SLC13A4: variants seen among roughly 807,000 people sequenced by gnomAD.
The protein encoded by SLC13A4 is solute carrier family 13 member 4.
A neutral mutation model predicts 72.7 loss-of-function variants in SLC13A4; 28 were observed. The observed-to-expected ratio is 0.39, with a 90% CI of 0.29 to 0.53. The LOEUF (loss-of-function observed/expected upper bound fraction) is 0.53, where lower values mean the gene tolerates loss of function less well. Among genes scored for constraint, SLC13A4 ranks in the 20% least tolerant of loss-of-function variants. SLC13A4 has a pLI of 0.78. For missense variants in SLC13A4, 653 were observed against 788.0 expected, an observed-to-expected ratio of 0.83 and a Z score of 2.05; for synonymous variants, 312 against 325.5, an observed-to-expected ratio of 0.96 and a Z score of 0.45.
At chr7:135,711,963 A>ATTTTT (rs529940903) in intron 2 of SLC13A4, among the ~76,000 whole-genome samples, 11 of 46,900 alleles carry the variant, frequency 2.3e-4, no homozygotes, top group East Asian at 1.8e-3. Flanking sequence ...ATGTTTTTGG[A>ATTTTT]TTTTTTTTTT....
chr7:135,719,781 A>ATGTGTGTGTGTGTGTGTGTGTG (rs968225969), intron 2 of SLC13A4, among the ~76,000 whole-genome samples: 84 of 146,106 alleles, frequency 5.7e-4, no homozygotes, highest in African/African-American at 2.1e-3. Flanking sequence ...TCAATGCCAC[A>ATGTGTGTGTGTGTGTGTGTGTG]TGTGTGTGTG....
At chr7:135,694,011 C>T in intron 10 of SLC13A4, 126 bp downstream of exon 10, 1 of 668,150 alleles carries the variant, frequency 1.5e-6, no homozygotes, top group Non-Finnish European at 2.7e-6. Flanking sequence ...CTTCTAAAGG[C>T]CTGATTCAGA....
At chr7:135,701,812 G>A (rs765538088) in intron 6 of SLC13A4, 52 bp from the exon 7 acceptor site, 211 of 1,581,178 alleles carry the variant, frequency 1.3e-4, no homozygotes, top group South Asian at 1.7e-4. Flanking sequence ...GGTGAGCCAG[G>A]TGCCTCGAGA....
Position 135,724,898 on chromosome 7 carries a change from A to G in SLC13A4, c.99+2500T>C, listed in dbSNP as rs184544389. On this transcript the variant is annotated intron_variant, in intron 1 of 15. Transcript: ENST00000682651. ...GTATTCAGACAACCAAAAATACTGC[A>G]AAGTTTGCTTACAAGGAGTCCGATG... Among the ~76,000 whole-genome samples the G allele has an allele frequency of 2.6e-5, 4 of 152,336 alleles. No homozygotes were observed. In the East Asian group the frequency reaches 7.7e-4, roughly 29 times the overall value.
At chr7:135,708,086 AT>A in intron 3 of SLC13A4, 27 bp downstream of exon 3, 1 of 1,606,778 alleles carries the variant, frequency 6.2e-7, no homozygotes, top group Non-Finnish European at 8.5e-7. Flanking sequence ...AGGATGCCCT[AT>A]GTCCTGGCAT....
At chr7:135,727,280 A>C in intron 1 of SLC13A4, 118 bp downstream of exon 1, 2 of 1,322,118 alleles carry the variant, frequency 1.5e-6, no homozygotes, top group Non-Finnish European at 2.0e-6. Flanking sequence ...CCATTTCTTT[A>C]AACCCACCAC....
chr7:135,727,856 T>C lies in SLC13A4; in HGVS notation c.-360A>G, dbSNP rs1796701723. ...CCCCTTAATCCTTTAAGCCACACCT[T>C]TGCTGCTGCTGCTCGGCCTTGAAGA... On this transcript the variant is annotated 5_prime_UTR_variant, in exon 1 of 16. Transcript: ENST00000682651. 1 of 218,154 alleles carries C rather than the reference T, an allele frequency of 4.6e-6. No homozygotes were observed. Among genetic ancestry groups the C allele is most frequent in the South Asian group, 1.8e-4 (1 of 5,684 alleles). 13.5% of individuals were successfully genotyped at this position (218,154 alleles called of 1,614,324 possible). A position where few individuals can be genotyped will look rare whatever the true frequency, so the allele number is the denominator to read the frequency against.
At position 135,685,661 on chromosome 7, in the gene SLC13A4, A is replaced by T. The variant is rs757279770; in HGVS notation, c.1469T>A (p.Ile490Asn). 6.2e-7 allele frequency: 1 copy of T among 1,614,194 alleles called. No homozygotes were observed. The highest frequency in any genetic ancestry group is 1.1e-5 in the South Asian group (1 of 91,084). The part of the protein sequence containing the change: ...GSKSSGLSTW[I>N]GNQMLSLSSL... The stretch of plus-strand genomic sequence containing the variant: ...GCTCAGGGACAACATCTGGTTCCCA[A>T]TCCATGTAGAGAGGCCAGAGCTCTG... Residue 490 changes from isoleucine (I) to asparagine (N), a missense_variant, in exon 14 of 16, where the codon ATT becomes AAT. Transcript: ENST00000682651.
At chr7:135,720,132 C>G (rs1240857244) in intron 2 of SLC13A4, among the ~76,000 whole-genome samples, 1 of 152,178 alleles carries the variant, frequency 6.6e-6, no homozygotes, top group African/African-American at 2.4e-5. Context: ...TCCATTAAAG[C>G]ATCCATAGGC....
In SLC13A4 at chr7:135,711,963, A is replaced by ATTTTTT. The variant is rs529940903; in HGVS notation, c.229-3719_229-3714dup. ...CACTACACCTGGCTAATGTTTTTGG[A>ATTTTTT]TTTTTTTTTTTTTTTTTTTTTTTTT... On this transcript the variant is annotated intron_variant, in intron 2 of 15. Transcript: ENST00000682651. Among the ~76,000 whole-genome samples, 18 of 46,898 alleles carry ATTTTTT rather than the reference A, an allele frequency of 3.8e-4. 2 individuals are homozygous for ATTTTTT. The highest frequency in any genetic ancestry group is 5.9e-4 in the African/African-American group (8 of 13,486). The allele number at this position is 46,898 out of a possible 152,430, so 30.8% of individuals were successfully genotyped here. A position where few individuals can be genotyped will look rare whatever the true frequency, so the allele number is the denominator to read the frequency against.
intron 7 of SLC13A4, among the ~76,000 whole-genome samples, chr7:135,699,891 C>T (rs1227767641): frequency 2.6e-5 from 4 of 152,052 alleles, no homozygotes; most frequent in Non-Finnish European, 5.9e-5. Flanking sequence ...TATTTGAACT[C>T]CTGTAAAACT....
At chr7:135,690,947 T>C (rs1281855741) in intron 13 of SLC13A4, among the ~76,000 whole-genome samples, 1 of 152,248 alleles carries the variant, frequency 6.6e-6, no homozygotes, top group South Asian at 2.1e-4. Context: ...GGTGGATCAC[T>C]TGAGGTCAGG....
chr7:135,693,108 A>AG (rs1185148691), intron 10 of SLC13A4: 39 of 151,396 alleles, frequency 2.6e-4, no homozygotes, highest in African/African-American at 8.7e-4. Context: ...CCCAAAAAAA[A>AG]AAAAAAAAAA....
chr7:135,727,658 C>T lies in SLC13A4; in HGVS notation c.-162G>A. ...CAGAACGGGAGGGCAGTTATACCCTCGCTGTTTCTACAAGAGGCTGGGCTC... is the reference window on the plus strand; with the variant it reads ...CAGAACGGGAGGGCAGTTATACCCTTGCTGTTTCTACAAGAGGCTGGGCTC... On this transcript the variant is annotated 5_prime_UTR_variant, in exon 1 of 16. Coordinates refer to ENST00000682651, the MANE Select transcript of SLC13A4 (RefSeq NM_001318192.2). 1 of 821,286 alleles carries T rather than the reference C, an allele frequency of 1.2e-6. No individual in the cohort carries two copies. The highest frequency in any genetic ancestry group is 2.3e-5 in the South Asian group (1 of 44,034). 50.9% of individuals were successfully genotyped at this position (821,286 alleles called of 1,614,324 possible). A position where few individuals can be genotyped will look rare whatever the true frequency, so the allele number is the denominator to read the frequency against.
chr7:135,701,468 CTG>C (rs1022591987), intron 7 of SLC13A4, among the ~76,000 whole-genome samples: 4 of 152,226 alleles, frequency 2.6e-5, no homozygotes, highest in Admixed American at 2.0e-4. Context: ...GTTGAAGACA[CTG>C]GGGCTCAGGC....
intron 5 of SLC13A4, 159 bp downstream of exon 5, chr7:135,705,437 G>T: frequency 1.8e-6 from 1 of 552,144 alleles, no homozygotes; most frequent in Non-Finnish European, 3.1e-6. Context: ...GTATGGAGAG[G>T]AAATGGGGGA....
At chr7:135,725,689 G>A (rs1796639329) in intron 1 of SLC13A4, among the ~76,000 whole-genome samples, 1 of 152,176 alleles carries the variant, frequency 6.6e-6, no homozygotes, top group Admixed American at 6.6e-5. Flanking sequence ...GTTTGATGCA[G>A]GCCAGGCACG....
chr7:135,694,651 C>T (rs1362024423), intron 9 of SLC13A4, among the ~76,000 whole-genome samples: 1 of 152,178 alleles, frequency 6.6e-6, no homozygotes, highest in South Asian at 2.1e-4. Context: ...CATTTTTACT[C>T]CAGAGAAGCT....
Position 135,728,183 on chromosome 7 carries a change from G to A in SLC13A4, c.-687C>T, listed in dbSNP as rs1796710355. 6.6e-6 allele frequency: 1 copy of A among 152,176 alleles called. No homozygotes were observed. The highest frequency in any genetic ancestry group is 1.5e-5 in the Non-Finnish European group (1 of 68,038). The allele number at this position is 152,176 out of a possible 1,614,324, so 9.4% of individuals were successfully genotyped here. ...TTTGCCTTGAGCCTGGGCCTGCAAA[G>A]CAGAAAAGAAAAGTCCCCAAGACAT... On this transcript the variant is annotated 5_prime_UTR_variant, in exon 1 of 16. Transcript: ENST00000682651.
Sources: allele counts gnomAD v4.1 joint callset (sites outside exome capture counted in the v4.1 genomes callset), GRCh38; gene constraint gnomAD v4.1.1; transcripts MANE v1.5; gene names NCBI Gene and HGNC (gene_info 2026-07-23, HGNC 2026-07-21).